Variants in CACNG7 observed in about 807,000 individuals in gnomAD.
CACNG7 encodes calcium voltage-gated channel auxiliary subunit gamma 7.
In CACNG7, 9 loss-of-function variants were observed where a neutral mutation model predicts 26.3. That is an observed-to-expected ratio of 0.34 (90% confidence interval 0.21 to 0.60). The LOEUF is 0.60. Among genes scored for constraint, CACNG7 ranks in the 20% least tolerant of loss-of-function variants. The pLI, the probability that CACNG7 is intolerant of heterozygous loss-of-function variation, is 0.81. For missense variants in CACNG7, 297 were observed against 380.4 expected, an observed-to-expected ratio of 0.78 and a Z score of 1.82; for synonymous variants, 170 against 157.0, an observed-to-expected ratio of 1.08 and a Z score of -0.62.
chr19:53,930,658 C>A (rs1233498199), intron 4 of CACNG7, among the ~76,000 whole-genome samples: 5 of 152,074 alleles, frequency 3.3e-5, no homozygotes, highest in Non-Finnish European at 7.4e-5. Flanking sequence ...CAGGCCTGAG[C>A]CACCGCACTG....
intron 1 of CACNG7, among the ~76,000 whole-genome samples, chr19:53,911,381 G>T (rs1003043977): frequency 1.3e-5 from 2 of 152,042 alleles, no homozygotes; most frequent in African/African-American, 4.8e-5. Context: ...TCCTGATTTT[G>T]ATGTTCTGGA....
In CACNG7 at chr19:53,927,066, C is replaced by T. The variant is rs553542270; in HGVS notation, c.424+11561C>T. On this transcript the variant is annotated intron_variant, in intron 4 of 5. Transcript: ENST00000391767. ...TCCCATGTAGCTGGGATTACAGGCA[C>T]CTGCCACCACGCCTGGCTAATTTTT... Among the ~76,000 whole-genome samples, 382 of 152,082 alleles carry T rather than the reference C, an allele frequency of 2.5e-3. 1 individual carries two copies. Among genetic ancestry groups the T allele is most frequent in the African/African-American group, 8.4e-3 (349 of 41,476 alleles).
chr19:53,918,672 T>C (rs1414593010), intron 4 of CACNG7, among the ~76,000 whole-genome samples: 1 of 152,208 alleles, frequency 6.6e-6, no homozygotes. Flanking sequence ...GTAGTAATGA[T>C]AGTAGTACTA....
intron 4 of CACNG7, among the ~76,000 whole-genome samples, chr19:53,923,473 A>C (rs1352473192): frequency 8.1e-6 from 1 of 123,406 alleles, no homozygotes; most frequent in African/African-American, 3.2e-5. Context: ...GAGTTGTCCC[A>C]GGTCTGGTCA....
At chr19:53,936,205 G>A (rs189529298) in intron 4 of CACNG7, among the ~76,000 whole-genome samples, 1 of 151,956 alleles carries the variant, frequency 6.6e-6, no homozygotes. Flanking sequence ...TTCAGGTTAC[G>A]CATTCTCAGC....
intron 4 of CACNG7, among the ~76,000 whole-genome samples, chr19:53,933,489 G>A (rs2145916998): frequency 6.6e-6 from 1 of 150,898 alleles, no homozygotes; most frequent in African/African-American, 2.4e-5. Context: ...TAGTAGAGAG[G>A]GGGTTTCACC....
intron 4 of CACNG7, among the ~76,000 whole-genome samples, chr19:53,922,988 A>G (rs1599980613): frequency 1.0e-5 from 1 of 96,444 alleles, no homozygotes; most frequent in Admixed American, 8.9e-5. Flanking sequence ...GAGTTGTCCC[A>G]GGACTGGTCA....
At chr19:53,923,989 C>G (rs1175938877) in intron 4 of CACNG7, among the ~76,000 whole-genome samples, 1 of 134,996 alleles carries the variant, frequency 7.4e-6, no homozygotes, top group Non-Finnish European at 1.5e-5. Context: ...GTCCCCAGGC[C>G]TGGTCATTGG....
At chr19:53,921,819 G>C (rs374734727) in intron 4 of CACNG7, among the ~76,000 whole-genome samples, 20 of 85,378 alleles carry the variant, frequency 2.3e-4, no homozygotes, top group South Asian at 7.5e-4. Flanking sequence ...CATTGGTGGA[G>C]TTGCCCCAGG....
chr19:53,912,636 G>C lies in CACNG7; in HGVS notation c.-29-167G>C. ...TGAGGCTCAACAGTTGGTGTCTCTG[G>C]TCAGACTCTAGGGTTGGGGTCATGG... On this transcript the variant is annotated intron_variant, in intron 1 of 5. Transcript: ENST00000391767. This position sits in a 1 kb window ranked among gnomAD's most constrained non-coding sequence, Gnocchi z 4.6. The C allele has an allele frequency of 1.7e-6, 1 of 577,940 alleles. No homozygotes were observed. Among genetic ancestry groups the C allele is most frequent in the Non-Finnish European group, 3.1e-6 (1 of 327,620 alleles). The allele number at this position is 577,940 out of a possible 1,614,324, so 35.8% of individuals were successfully genotyped here. A position where few individuals can be genotyped will look rare whatever the true frequency, so the allele number is the denominator to read the frequency against.
intron 4 of CACNG7, among the ~76,000 whole-genome samples, chr19:53,922,629 C>G (rs79066519): frequency 2.0e-4 from 11 of 54,328 alleles, no homozygotes; most frequent in African/African-American, 6.1e-4. Flanking sequence ...GTCATTGGTG[C>G]AGTTGTCCCC....
intron 4 of CACNG7, among the ~76,000 whole-genome samples, chr19:53,920,670 T>C (rs1256260772): frequency 8.9e-6 from 1 of 112,152 alleles, no homozygotes; most frequent in Non-Finnish European, 1.7e-5. Flanking sequence ...TTGGTGGAGT[T>C]GCCCCAGGTC....
chr19:53,922,546 T>G (rs2068970225), intron 4 of CACNG7, among the ~76,000 whole-genome samples: 1 of 71,110 alleles, frequency 1.4e-5, no homozygotes, highest in Non-Finnish European at 2.4e-5. Flanking sequence ...TGGTCATTGG[T>G]GGAGTTGCCC....
At chr19:53,911,007 G>T (rs1444366963) in intron 1 of CACNG7, among the ~76,000 whole-genome samples, 1 of 151,638 alleles carries the variant, frequency 6.6e-6, no homozygotes, top group Non-Finnish European at 1.5e-5. Flanking sequence ...AGAGACCGTT[G>T]TTTGACTGGG....
intron 4 of CACNG7, among the ~76,000 whole-genome samples, chr19:53,915,883 A>G (rs1286499392): frequency 6.6e-6 from 1 of 152,192 alleles, no homozygotes; most frequent in East Asian, 1.9e-4. Context: ...AACTCACGCA[A>G]TTCGCCTCCG....
At chr19:53,928,012 T>C (rs2069044698) in intron 4 of CACNG7, among the ~76,000 whole-genome samples, 2 of 147,744 alleles carry the variant, frequency 1.4e-5, no homozygotes, top group South Asian at 4.3e-4. Context: ...GCAGATGTAG[T>C]TGAGGGGGTG....
chr19:53,937,779 C>T (rs957786196), intron 4 of CACNG7, among the ~76,000 whole-genome samples: 1 of 151,940 alleles, frequency 6.6e-6, no homozygotes, highest in Non-Finnish European at 1.5e-5. Context: ...TTAGTAGAGA[C>T]GAGGTTTCAC....
At chr19:53,921,533 T>TCTGGTATTGGTGGAGTTGCCCCAGG (rs1568774427) in intron 4 of CACNG7, among the ~76,000 whole-genome samples, 30 of 116,694 alleles carry the variant, frequency 2.6e-4, no homozygotes, top group Admixed American at 6.8e-4. Context: ...TTGCCCCAGG[T>TCTGGTATTGGTGGAGTTGCCCCAGG]CTGGTCATTG....
At chr19:53,917,340 C>T (rs565888570) in intron 4 of CACNG7, among the ~76,000 whole-genome samples, 2 of 152,292 alleles carry the variant, frequency 1.3e-5, no homozygotes, top group African/African-American at 2.4e-5. Context: ...TATGAACAAA[C>T]CCCACTGCAT....
Sources: allele counts gnomAD v4.1 joint callset (sites outside exome capture counted in the v4.1 genomes callset), GRCh38; gene constraint gnomAD v4.1.1; non-coding constraint Gnocchi (gnomAD v3.1); transcripts MANE v1.5; gene names NCBI Gene and HGNC (gene_info 2026-07-23, HGNC 2026-07-21).